The following LARGE1 variants were observed in gnomAD, a reference collection of about 807,000 sequenced individuals.
The protein encoded by LARGE1 is LARGE xylosyl- and glucuronyltransferase 1.
LARGE1 carries 43 observed loss-of-function variants against 87.6 expected under a neutral mutation model. The ratio of observed to expected loss-of-function variants is 0.49; its 90% CI spans 0.38 to 0.63. The LOEUF (loss-of-function observed/expected upper bound fraction) is 0.63, where lower values mean the gene tolerates loss of function less well. Ranked by LOEUF, LARGE1 falls within the 30% of genes least tolerant of loss-of-function variation. The probability of loss-of-function intolerance (pLI) is 0.00; values close to 1 mark genes in which losing one functional copy is unlikely to be tolerated. For missense variants in LARGE1, 802 were observed against 1,000.2 expected, an observed-to-expected ratio of 0.80 and a Z score of 2.67; for synonymous variants, 434 against 394.6, an observed-to-expected ratio of 1.10 and a Z score of -1.18.
chr22:33,550,065 C>T (rs1399559476), intron 6 of LARGE1, among the ~76,000 whole-genome samples: 1 of 151,630 alleles, frequency 6.6e-6, no homozygotes, highest in Non-Finnish European at 1.5e-5. Context: ...TTAATGGGTG[C>T]AGCAAACCAA....
intron 6 of LARGE1, among the ~76,000 whole-genome samples, chr22:33,478,702 G>T (rs1349690201): frequency 6.6e-6 from 1 of 152,150 alleles, no homozygotes; most frequent in African/African-American, 2.4e-5. Flanking sequence ...AATTAAATGA[G>T]ATAGCACATG....
At chr22:33,769,192 T>C (rs1421751795) in intron 1 of LARGE1, among the ~76,000 whole-genome samples, 4 of 152,176 alleles carry the variant, frequency 2.6e-5, no homozygotes, top group Non-Finnish European at 5.9e-5. Context: ...TCTGATGATG[T>C]GCCCGACTTT....
chr22:33,810,583 T>G (rs1430852727), intron 1 of LARGE1, among the ~76,000 whole-genome samples: 1 of 152,206 alleles, frequency 6.6e-6, no homozygotes, highest in Non-Finnish European at 1.5e-5. Flanking sequence ...AGAACCATTA[T>G]GCGCCCTTTT....
intron 6 of LARGE1, among the ~76,000 whole-genome samples, chr22:33,553,723 C>T (rs1431634883): frequency 1.3e-5 from 2 of 152,098 alleles, no homozygotes; most frequent in Non-Finnish European, 2.9e-5. Context: ...CCCGACGTTG[C>T]AAAGATGGCA....
intron 2 of LARGE1, among the ~76,000 whole-genome samples, chr22:33,728,567 A>C (rs1489025614): frequency 4.0e-5 from 6 of 149,830 alleles, no homozygotes; most frequent in South Asian, 2.1e-4. Flanking sequence ...AAAAAAAAAA[A>C]AAAAAAAAAA....
At chr22:33,628,486 T>C (rs867653289) in intron 3 of LARGE1, among the ~76,000 whole-genome samples, 26 of 152,080 alleles carry the variant, frequency 1.7e-4, no homozygotes, top group Admixed American at 9.8e-4. Context: ...CCAGGTAATT[T>C]TTGTATTTTT....
At chr22:33,446,007 A>T (rs2067674292) in intron 6 of LARGE1, among the ~76,000 whole-genome samples, 2 of 152,204 alleles carry the variant, frequency 1.3e-5, no homozygotes, top group South Asian at 4.1e-4. Context: ...GCTGGCTGAC[A>T]GAAGTAACAA....
intron 11 of LARGE1, among the ~76,000 whole-genome samples, chr22:33,207,200 A>G (rs1187499183): frequency 6.6e-6 from 1 of 152,228 alleles, no homozygotes; most frequent in Non-Finnish European, 1.5e-5. Context: ...CTTCAGTCCA[A>G]AGAAAAGACT....
chr22:33,531,394 G>T (rs1373367689), intron 6 of LARGE1, among the ~76,000 whole-genome samples: 1 of 152,110 alleles, frequency 6.6e-6, no homozygotes. Flanking sequence ...CTAACCTCAG[G>T]TGATCCACCC....
At chr22:33,103,662 A>T in the LARGE1 span, among the ~76,000 whole-genome samples, 1 of 152,072 alleles carries the variant, frequency 6.6e-6, no homozygotes, top group Non-Finnish European at 1.5e-5. Flanking sequence ...AACCCCTGAT[A>T]AGGAAACAGG....
chr22:33,645,954 A>G (rs2080599499), intron 3 of LARGE1, among the ~76,000 whole-genome samples: 1 of 152,232 alleles, frequency 6.6e-6, no homozygotes. Flanking sequence ...GATGCTGGAA[A>G]GGATGTGGAG....
Position 33,816,757 on chromosome 22 carries a change from C to A in LARGE1, c.-82-55199G>T, listed in dbSNP as rs77788485. On this transcript the variant is annotated intron_variant, in intron 1 of 14. Transcript: ENST00000397394. The stretch of plus-strand genomic sequence containing the variant: ...ACAGATACAGAAAGACAGATACAGA[C>A]AGACAATGTTTTTGGGGCCAAGATT... Among the ~76,000 whole-genome samples, 691 of 151,580 alleles carry A rather than the reference C, an allele frequency of 4.6e-3. 3 individuals are homozygous for A. The highest frequency in any genetic ancestry group is 0.015 in the African/African-American group (636 of 41,186).
intron 2 of LARGE1, among the ~76,000 whole-genome samples, chr22:33,756,371 C>A (rs145917667): frequency 1.3e-5 from 2 of 152,062 alleles, no homozygotes; most frequent in African/African-American, 4.8e-5. Flanking sequence ...GCTGTGAAAA[C>A]AAAAGATTAT....
At chr22:33,466,253 C>T (rs5998953) in intron 6 of LARGE1, among the ~76,000 whole-genome samples, 4,592 of 152,202 alleles carry the variant, frequency 0.03, 227 homozygotes, top group African/African-American at 0.11. Context: ...TTGGAGAAGC[C>T]TTACTTCATG....
chr22:33,546,873 C>A (rs4821164), intron 6 of LARGE1, among the ~76,000 whole-genome samples: 1 of 152,002 alleles, frequency 6.6e-6, no homozygotes, highest in Admixed American at 6.6e-5. Context: ...CGTGAACCAC[C>A]GCACCTGGCC....
At chr22:33,639,161 C>T (rs2080356426) in intron 3 of LARGE1, among the ~76,000 whole-genome samples, 1 of 152,200 alleles carries the variant, frequency 6.6e-6, no homozygotes. Context: ...ATGTAAGCAG[C>T]TGACTGCCTA....
intron 6 of LARGE1, among the ~76,000 whole-genome samples, chr22:33,493,412 C>T (rs976136371): frequency 4.6e-5 from 7 of 152,016 alleles, no homozygotes; most frequent in African/African-American, 9.7e-5. Context: ...CCTCCCACCT[C>T]GGCCTCCCAA....
intron 1 of LARGE1, among the ~76,000 whole-genome samples, chr22:33,805,997 G>A: frequency 6.6e-6 from 1 of 152,116 alleles, no homozygotes; most frequent in East Asian, 1.9e-4. Context: ...TTTATTTAGT[G>A]CATTCACAAT....
chr22:33,661,611 T>A (rs972962806), intron 2 of LARGE1, among the ~76,000 whole-genome samples: 1 of 152,112 alleles, frequency 6.6e-6, no homozygotes, highest in Non-Finnish European at 1.5e-5. Context: ...CAGCAGCTAT[T>A]TGAGGATGCC....
Sources: gnomAD v4.1 joint callset for allele counts (sites outside exome capture counted in the v4.1 genomes callset) on GRCh38, gnomAD v4.1.1 for gene constraint, MANE v1.5 for transcripts, NCBI Gene and HGNC (gene_info 2026-07-23, HGNC 2026-07-21) for gene names.